The following MCM5 variants were observed in gnomAD, a reference collection of about 807,000 sequenced individuals.
MCM5 encodes the protein DNA replication licensing factor MCM5.
In MCM5, 46 loss-of-function variants were observed where a neutral mutation model predicts 79.9. The observed-to-expected ratio is 0.58, with a 90% CI of 0.45 to 0.74. The LOEUF is 0.74. Among genes scored for constraint, MCM5 ranks in the 30% least tolerant of loss-of-function variants. MCM5 has a pLI of 0.00. For synonymous variants in MCM5, 404 were observed against 390.5 expected, an observed-to-expected ratio of 1.03 and a Z score of -0.41; for missense variants, 883 against 1,017.0, an observed-to-expected ratio of 0.87 and a Z score of 1.79.
intron 1 of MCM5, 91 bp downstream of exon 1, chr22:35,400,299 A>G: frequency 2.2e-6 from 2 of 904,698 alleles, no homozygotes; most frequent in South Asian, 2.8e-5. Context: ...TTTCTCGGGA[A>G]CTGGGGTTGG....
intron 4 of MCM5, among the ~76,000 whole-genome samples, chr22:35,404,642 G>C (rs953592303): frequency 6.6e-6 from 1 of 152,224 alleles, no homozygotes; most frequent in African/African-American, 2.4e-5. Flanking sequence ...TTGAGGTGGT[G>C]ATGGTCACTT....
intron 15 of MCM5, chr22:35,421,794 ATTTC>A (rs1251345095): frequency 2.7e-6 from 1 of 371,494 alleles, no homozygotes; most frequent in Non-Finnish European, 5.2e-6. Context: ...TTCCAGAGTT[ATTTC>A]TTGCATTTTG....
chr22:35,410,628 C>T lies in MCM5; in HGVS notation c.753-116C>T, dbSNP rs772075780. On this transcript the variant is annotated intron_variant, in intron 6 of 16. Transcript: ENST00000216122. ...GCTGGAGCCAGCTCAGCATGTGGTG[C>T]CTGTGGCAAAAATGCTGCAGTGGAC... is the stretch of plus-strand genomic sequence containing the variant. 7 of 984,276 alleles carry T rather than the reference C, an allele frequency of 7.1e-6. 1 individual carries two copies. In the Admixed American group the frequency reaches 8.6e-5, roughly 12 times the overall value. The allele number at this position is 984,276 out of a possible 1,614,324, so 61.0% of individuals were successfully genotyped here. A position where few individuals can be genotyped will look rare whatever the true frequency, so the allele number is the denominator to read the frequency against.
At chr22:35,410,996 A>G in intron 7 of MCM5, 86 bp downstream of exon 7, 2 of 1,273,830 alleles carry the variant, frequency 1.6e-6, no homozygotes, top group South Asian at 3.0e-5. Flanking sequence ...TTACTTCATG[A>G]GGTAGCCCAG....
the MCM5 span, among the ~76,000 whole-genome samples, chr22:35,439,207 CCATT>C: frequency 1.3e-5 from 2 of 151,520 alleles, no homozygotes; most frequent in Non-Finnish European, 1.5e-5. Flanking sequence ...ATTCATCCAT[CCATT>C]CATCCATCCA....
chr22:35,445,365 G>A, the MCM5 span, among the ~76,000 whole-genome samples: 2 of 97,520 alleles, frequency 2.1e-5, no homozygotes, highest in Non-Finnish European at 3.7e-5. Flanking sequence ...GTCTCATTCT[G>A]TTGCCCAGAC....
chr22:35,410,515 G>A lies in MCM5; in HGVS notation c.753-229G>A, dbSNP rs1022712592. On this transcript the variant is annotated intron_variant, in intron 6 of 16. Transcript: ENST00000216122. ...AGGCCACCACCTGCCTTTCTGTTTG[G>A]CTGTCACTGTGGGCAACACCATCCT... 8 of 510,248 alleles carry A rather than the reference G, an allele frequency of 1.6e-5. No homozygotes were observed. In the Admixed American group the frequency reaches 1.8e-4, roughly 12 times the overall value. 31.6% of individuals were successfully genotyped at this position (510,248 alleles called of 1,614,324 possible). A position where few individuals can be genotyped will look rare whatever the true frequency, so the allele number is the denominator to read the frequency against.
chr22:35,407,211 A>G (rs4645763), intron 5 of MCM5, among the ~76,000 whole-genome samples: 7,460 of 152,134 alleles, frequency 0.049, 242 homozygotes, highest in Middle Eastern at 0.068. Flanking sequence ...TGCTGCCCCC[A>G]GTCTGAAGGA....
In MCM5 at chr22:35,406,717, G is replaced by C; in HGVS notation, c.588G>C (p.Lys196Asn). 10 of 1,607,210 alleles carry C rather than the reference G, an allele frequency of 6.2e-6. No homozygotes were observed. The highest frequency in any genetic ancestry group is 8.5e-6 in the Non-Finnish European group (10 of 1,179,954). The change falls in exon 5 of 17, where the codon AAG (lysine) becomes AAC (asparagine). Residue 196 changes from lysine (K) to asparagine (N), a missense_variant. This residue lies in a region of MCM5 where 455 missense variants were observed against 517.5 expected (regional missense o/e 0.88). Transcript: ENST00000216122. ...PGLEGYALPR[K>N]CNTDQAGRPK... The stretch of plus-strand genomic sequence containing the variant: ...TCGAGGGCTATGCCCTGCCCAGGAA[G>C]TGCAACACGTGAGTCTGTGGCCCAG...
intron 13 of MCM5, among the ~76,000 whole-genome samples, chr22:35,418,670 AAT>A (rs1480663492): frequency 5.4e-5 from 8 of 147,276 alleles, no homozygotes; most frequent in Middle Eastern, 3.4e-3. Context: ...AAAAAAAAAA[AAT>A]ATATATATAT....
chr22:35,438,327 C>CCA, the MCM5 span, among the ~76,000 whole-genome samples: 11 of 93,182 alleles, frequency 1.2e-4, no homozygotes, highest in East Asian at 2.5e-4. Flanking sequence ...ATCCGTCCAT[C>CCA]TATCCATCCA....
rs1932768819 is a variant in MCM5, at chr22:35,425,352, A to AGATAC, written c.*1097_*1098insGATAC. The AGATAC allele has an allele frequency of 6.6e-6, 1 of 152,242 alleles. No homozygotes were observed. Among genetic ancestry groups the AGATAC allele is most frequent in the Non-Finnish European group, 1.5e-5 (1 of 68,044 alleles). The allele number at this position is 152,242 out of a possible 1,614,324, so 9.4% of individuals were successfully genotyped here. ...ATGGAACATTAGATAAGGTATTTAA[A>AGATAC]AGTAATTGCCATGTAAAAATGACAC... On this transcript the variant is annotated 3_prime_UTR_variant, in exon 17 of 17. Transcript: ENST00000216122.
the MCM5 span, among the ~76,000 whole-genome samples, chr22:35,438,876 C>CATCCATCCATCCATCCATCTACAT: frequency 2.0e-5 from 3 of 149,570 alleles, no homozygotes; most frequent in African/African-American, 7.4e-5. Flanking sequence ...TCCATCCATC[C>CATCCATCCATCCATCCATCTACAT]ATCCATCCAT....
chr22:35,407,495 C>G (rs1932252514), intron 5 of MCM5, among the ~76,000 whole-genome samples: 1 of 152,098 alleles, frequency 6.6e-6, no homozygotes. Flanking sequence ...TCCTGGCTTC[C>G]CCAGGCCTCG....
At chr22:35,436,868 C>T in the MCM5 span, among the ~76,000 whole-genome samples, 7 of 151,804 alleles carry the variant, frequency 4.6e-5, no homozygotes, top group Admixed American at 4.6e-4. Flanking sequence ...TATCTGTGGG[C>T]CTAGAAACCC....
chr22:35,412,445 C>T, intron 7 of MCM5, 65 bp from the exon 8 acceptor site: 1 of 1,357,206 alleles, frequency 7.4e-7, no homozygotes, highest in Non-Finnish European at 9.7e-7. Flanking sequence ...GAGCTGGTGC[C>T]AGGATGGGCA....
At chr22:35,402,653 A>G (rs1386921580) in intron 2 of MCM5, among the ~76,000 whole-genome samples, 1 of 151,914 alleles carries the variant, frequency 6.6e-6, no homozygotes, top group African/African-American at 2.4e-5. Context: ...TCTGGGGTTC[A>G]GGCATTCTCA....
the MCM5 span, among the ~76,000 whole-genome samples, chr22:35,446,744 G>T: frequency 6.6e-6 from 1 of 152,138 alleles, no homozygotes; most frequent in Non-Finnish European, 1.5e-5. Flanking sequence ...TCTAGTCCTG[G>T]ACTCACCGCA....
At position 35,421,762 on chromosome 22, in the gene MCM5, A is replaced by C. The variant is rs532563949; in HGVS notation, c.1975+302A>C. On this transcript the variant is annotated intron_variant, in intron 15 of 16. Coordinates refer to ENST00000216122, the MANE Select transcript of MCM5 (RefSeq NM_006739.4). ...CAACAGTTGATGCTCTGCTTCCTAGAGCTTGTCAGCATTTTCAGTGCTTCC... is the reference window on the plus strand; with the variant it reads ...CAACAGTTGATGCTCTGCTTCCTAGCGCTTGTCAGCATTTTCAGTGCTTCC... The C allele has an allele frequency of 1.6e-4, 70 of 432,128 alleles. 1 individual carries two copies. The highest frequency in any genetic ancestry group is 1.5e-3 in the South Asian group (70 of 47,166). The allele number at this position is 432,128 out of a possible 1,614,324, so 26.8% of individuals were successfully genotyped here.
Sources: gnomAD v4.1 joint callset for allele counts (sites outside exome capture counted in the v4.1 genomes callset) on GRCh38, gnomAD v4.1.1 for gene constraint, gnomAD v4.1.1 regional missense constraint, MANE v1.5 for transcripts, NCBI Gene and HGNC (gene_info 2026-07-23, HGNC 2026-07-21) for gene names.